The following TG variants were observed in gnomAD, a reference collection of about 807,000 sequenced individuals.
The protein encoded by TG is thyroglobulin, also known as thyroid hormones.
In TG, 270 loss-of-function variants were observed where a neutral mutation model predicts 324.7. That is an observed-to-expected ratio of 0.83 (90% CI 0.75 to 0.92). The LOEUF is 0.92. TG is among the 40% of genes least tolerant of loss of function. The probability of loss-of-function intolerance (pLI) is 0.00; values close to 1 mark genes in which losing one functional copy is unlikely to be tolerated. For missense variants in TG, 3,591 were observed against 3,456.4 expected, an observed-to-expected ratio of 1.04 and a Z score of -0.98; for synonymous variants, 1,401 against 1,327.0, an observed-to-expected ratio of 1.06 and a Z score of -1.21.
At chr8:133,030,615 T>A (rs1014776111) in intron 41 of TG, among the ~76,000 whole-genome samples, 1 of 152,240 alleles carries the variant, frequency 6.6e-6, no homozygotes, top group Admixed American at 6.5e-5. Context: ...ATGCTGGAAA[T>A]GCCATGAAAC....
At chr8:132,985,870 G>A (rs1056658902) in intron 35 of TG, among the ~76,000 whole-genome samples, 7 of 151,876 alleles carry the variant, frequency 4.6e-5, no homozygotes, top group Admixed American at 1.3e-4. Context: ...TGCTCCTTGC[G>A]TTTCCTTTTT....
At chr8:133,101,247 C>T (rs1849213406) in intron 43 of TG, among the ~76,000 whole-genome samples, 1 of 152,212 alleles carries the variant, frequency 6.6e-6, no homozygotes, top group South Asian at 2.1e-4. Context: ...AGTGGACAAC[C>T]AAGTGGAAAC....
intron 41 of TG, among the ~76,000 whole-genome samples, chr8:133,082,156 G>A (rs1462019013): frequency 1.3e-5 from 2 of 152,174 alleles, no homozygotes; most frequent in South Asian, 2.1e-4. Flanking sequence ...GGTGTTGGGT[G>A]TTGTCAGGCC....
In TG at chr8:132,887,483, A is replaced by T. The variant is rs1250584197; in HGVS notation, c.2111A>T (p.Tyr704Phe). The T allele has an allele frequency of 1.4e-5, 23 of 1,614,048 alleles. No homozygotes were observed. Among genetic ancestry groups the T allele is most frequent in the Non-Finnish European group, 1.9e-5 (23 of 1,180,024 alleles). The stretch of plus-strand genomic sequence containing the variant: ...GTCCAGTGCTTCAACTCAGAGTGCT[A>T]CTGTGTTGATGCTGAGGGTCAGGCC... The part of the protein sequence containing the change: ...LPVQCFNSEC[Y>F]CVDAEGQAIP... The change falls in exon 9 of 48, where the codon TAC (tyrosine) becomes TTC (phenylalanine). Residue 704 changes from tyrosine (Y) to phenylalanine (F), a missense_variant. Tyr to Phe is a conservative substitution (Grantham distance 22, BLOSUM62 3). Transcript: ENST00000220616.
At chr8:133,084,276 T>C (rs923240691) in intron 41 of TG, among the ~76,000 whole-genome samples, 1 of 152,176 alleles carries the variant, frequency 6.6e-6, no homozygotes, top group East Asian at 1.9e-4. Flanking sequence ...GCTCTTCTCC[T>C]GGGCCCTGAA....
intron 34 of TG, among the ~76,000 whole-genome samples, chr8:132,973,718 T>A (rs778529330): frequency 6.6e-6 from 1 of 152,166 alleles, no homozygotes; most frequent in Non-Finnish European, 1.5e-5. Flanking sequence ...GACATCTTCA[T>A]CCTGTGTCCC....
chr8:133,134,724 C>T lies in TG; in HGVS notation c.8237C>T (p.Thr2746Met), dbSNP rs181114893. The T allele has an allele frequency of 4.5e-5, 73 of 1,614,026 alleles. 1 individual carries two copies. The highest frequency in any genetic ancestry group is 1.7e-4 in the Middle Eastern group (1 of 6,060). Reference sequence around the variant, plus strand: ...GCAGAGAGTGAAGAGGAGGAGTTGACGGCTGGATCTGGGCTAAGAGAAGAT... The same window carrying T: ...GCAGAGAGTGAAGAGGAGGAGTTGATGGCTGGATCTGGGCTAAGAGAAGAT... The part of the protein sequence containing the change: ...QSAESEEEEL[T>M]AGSGLREDLL... The change falls in exon 48 of 48, where the codon ACG (threonine) becomes ATG (methionine). Residue 2746 changes from threonine (T) to methionine (M), a missense_variant. Transcript: ENST00000220616.
intron 34 of TG, among the ~76,000 whole-genome samples, chr8:132,973,626 C>T (rs1372785022): frequency 2.0e-5 from 3 of 152,196 alleles, no homozygotes; most frequent in Non-Finnish European, 4.4e-5. Context: ...ATGAGACTCA[C>T]TATGATTCTG....
chr8:132,871,294 GC>G (rs776246998), intron 3 of TG, 53 bp from the exon 4 acceptor site: 1 of 1,587,630 alleles, frequency 6.3e-7, no homozygotes, highest in Non-Finnish European at 8.6e-7. Context: ...CCTGGGCTCT[GC>G]CCCCTGGAAA....
At chr8:132,934,535 A>G (rs1474701011) in intron 24 of TG, among the ~76,000 whole-genome samples, 1 of 152,150 alleles carries the variant, frequency 6.6e-6, no homozygotes, top group Non-Finnish European at 1.5e-5. Context: ...TTCCCAATTC[A>G]TAAACACGTG....
chr8:133,057,183 CCTCTTCAGGTCAGGGTGATAAGAAG>C (rs1177008941), intron 41 of TG, among the ~76,000 whole-genome samples: 58 of 145,476 alleles, frequency 4.0e-4, no homozygotes, highest in African/African-American at 1.5e-3. Flanking sequence ...TCTGTTGGTG[CCTCTTCAGGTCAGGGTGATAAGAAG>C]AGAAGGAACA....
At chr8:132,994,690 C>T in intron 35 of TG, 1 of 1,287,978 alleles carries the variant, frequency 7.8e-7, no homozygotes, top group Non-Finnish European at 1.0e-6. Context: ...TGACTTATTA[C>T]AGAAGCATCT....
chr8:132,994,655 C>T, intron 35 of TG: 1 of 1,279,584 alleles, frequency 7.8e-7, no homozygotes, highest in African/African-American at 1.5e-5. Flanking sequence ...TGCTGAATTC[C>T]CTGACCTCCT....
chr8:133,045,030 C>G (rs761995367), intron 41 of TG: 1 of 1,614,148 alleles, frequency 6.2e-7, no homozygotes, highest in Non-Finnish European at 8.5e-7. Context: ...AGGTGAGCCT[C>G]GGGGAAATGT....
intron 6 of TG, 63 bp from the exon 7 acceptor site, chr8:132,882,406 A>G: frequency 6.3e-7 from 1 of 1,597,568 alleles, no homozygotes; most frequent in Non-Finnish European, 8.6e-7. Context: ...CTGTTTGCAC[A>G]ACAAGGTCAG....
At chr8:132,887,575 A>T (rs1389808191) in intron 9 of TG, 27 bp downstream of exon 9, 1 of 1,614,172 alleles carries the variant, frequency 6.2e-7, no homozygotes, top group South Asian at 1.1e-5. Flanking sequence ...TTCAATCTGT[A>T]GGTTCCCTGA....
intron 41 of TG, among the ~76,000 whole-genome samples, chr8:133,034,999 T>C (rs1354243972): frequency 6.6e-6 from 1 of 152,268 alleles, no homozygotes. Context: ...AACAATGTTT[T>C]GCTTTTTAAA....
At position 132,888,040 on chromosome 8, in the gene TG, C is replaced by CT. The variant is rs1815680018; in HGVS notation, c.2234dup (p.Leu746AlafsTer3). On this transcript the variant is annotated frameshift_variant, in exon 10 of 48. Transcript: ENST00000220616. LOFTEE classifies it high-confidence loss of function. The stretch of plus-strand genomic sequence containing the variant: ...AGCTTTCCTCAGGACGGTGCAGGCC[C>CT]TGCTCTCTAACTCCAGCATGCTACC... The CT allele has an allele frequency of 6.2e-7, 1 of 1,614,190 alleles. No homozygotes were observed. The highest frequency in any genetic ancestry group is 8.5e-7 in the Non-Finnish European group (1 of 1,180,042).
intron 11 of TG, among the ~76,000 whole-genome samples, chr8:132,897,107 G>A (rs1817229003): frequency 6.6e-6 from 1 of 152,182 alleles, no homozygotes; most frequent in Admixed American, 6.5e-5. Context: ...AGTTTGGTAG[G>A]GAAACCTACG....
Sources: gnomAD v4.1 joint callset for allele counts (sites outside exome capture counted in the v4.1 genomes callset) on GRCh38, gnomAD v4.1.1 for gene constraint, MANE v1.5 for transcripts, NCBI Gene and HGNC (gene_info 2026-07-23, HGNC 2026-07-21) for gene names.